The following CA10 variants were observed in gnomAD, a reference collection of about 807,000 sequenced individuals.
CA10 encodes carbonic anhydrase-related protein 10.
A neutral mutation model predicts 44.2 loss-of-function variants in CA10; 14 were observed. That is an observed-to-expected ratio of 0.32 (90% CI 0.21 to 0.50). The LOEUF (loss-of-function observed/expected upper bound fraction) is 0.50, where lower values mean the gene tolerates loss of function less well. Among genes scored for constraint, CA10 ranks in the 20% least tolerant of loss-of-function variants. CA10 has a pLI of 0.99. For synonymous variants in CA10, 159 were observed against 141.6 expected (o/e 1.12, Z -0.87); for missense variants, 350 against 409.7 (o/e 0.85, Z 1.26).
chr17:51,881,539 T>C (rs1980376102), intron 3 of CA10, among the ~76,000 whole-genome samples: 1 of 151,986 alleles, frequency 6.6e-6, no homozygotes, highest in African/African-American at 2.4e-5. Context: ...ATAAGAATGG[T>C]TAATATTCAT....
At chr17:51,960,497 A>G (rs561382600) in intron 2 of CA10, among the ~76,000 whole-genome samples, 3 of 152,324 alleles carry the variant, frequency 2.0e-5, no homozygotes, top group Non-Finnish European at 4.4e-5. Flanking sequence ...TATTGAAAAC[A>G]ACAAGTAAAA....
At chr17:51,867,043 A>G (rs1189205878) in intron 3 of CA10, among the ~76,000 whole-genome samples, 1 of 152,114 alleles carries the variant, frequency 6.6e-6, no homozygotes, top group Non-Finnish European at 1.5e-5. Flanking sequence ...TTGATTGGCA[A>G]TGAGATTGAC....
chr17:52,153,659 G>A (rs1030659563), intron 1 of CA10, among the ~76,000 whole-genome samples: 1 of 152,130 alleles, frequency 6.6e-6, no homozygotes, highest in Non-Finnish European at 1.5e-5. Context: ...AATAGGGTTT[G>A]TGCTCAATGT....
chr17:51,952,637 A>G (rs1983528778), intron 2 of CA10, among the ~76,000 whole-genome samples: 1 of 152,294 alleles, frequency 6.6e-6, no homozygotes, highest in African/African-American at 2.4e-5. Flanking sequence ...AAAATAAAAA[A>G]TGTTAGGTCT....
intron 1 of CA10, among the ~76,000 whole-genome samples, chr17:52,109,697 A>G (rs1487870727): frequency 6.6e-6 from 1 of 152,204 alleles, no homozygotes; most frequent in Non-Finnish European, 1.5e-5. Flanking sequence ...TTTAAAATCT[A>G]TCAGGTCTAG....
intron 3 of CA10, among the ~76,000 whole-genome samples, chr17:51,891,470 T>TATA (rs1166947523): frequency 6.6e-6 from 1 of 152,164 alleles, no homozygotes; most frequent in Non-Finnish European, 1.5e-5. Context: ...TTTGGATGAA[T>TATA]AATAGAGTTT....
At chr17:51,879,223 T>C (rs2143881686) in intron 3 of CA10, among the ~76,000 whole-genome samples, 1 of 152,192 alleles carries the variant, frequency 6.6e-6, no homozygotes, top group South Asian at 2.1e-4. Flanking sequence ...CTAATTATTG[T>C]CCACTGAACA....
chr17:51,791,740 T>C (rs1033247604), intron 3 of CA10, among the ~76,000 whole-genome samples: 2 of 152,212 alleles, frequency 1.3e-5, no homozygotes, highest in Admixed American at 6.5e-5. Flanking sequence ...TCAGCTGTTT[T>C]GAGTTAACTA....
At chr17:51,776,738 A>T (rs1438848797) in intron 3 of CA10, among the ~76,000 whole-genome samples, 1 of 152,232 alleles carries the variant, frequency 6.6e-6, no homozygotes, top group African/African-American at 2.4e-5. Flanking sequence ...AGTCCACATT[A>T]AGTAAAGTTA....
intron 3 of CA10, among the ~76,000 whole-genome samples, chr17:51,778,086 G>T (rs1357310596): frequency 6.6e-6 from 1 of 152,186 alleles, no homozygotes; most frequent in Non-Finnish European, 1.5e-5. Context: ...CCGAGTCCAA[G>T]TACCTTTTGT....
intron 2 of CA10, among the ~76,000 whole-genome samples, chr17:52,061,588 T>C (rs1987387020): frequency 6.6e-6 from 1 of 152,168 alleles, no homozygotes; most frequent in Admixed American, 6.5e-5. Flanking sequence ...GATTGGATCA[T>C]GGGGGCAGTT....
chr17:51,743,951 T>C (rs1904565196), intron 4 of CA10, among the ~76,000 whole-genome samples: 1 of 152,234 alleles, frequency 6.6e-6, no homozygotes, highest in South Asian at 2.1e-4. Flanking sequence ...TTTTAAAAAG[T>C]TAACCTTCAG....
intron 2 of CA10, among the ~76,000 whole-genome samples, chr17:51,994,829 T>C (rs542740714): frequency 7.7e-6 from 1 of 129,962 alleles, no homozygotes; most frequent in East Asian, 4.4e-4. Context: ...TTTTATGATA[T>C]TAGACCCTAA....
intron 3 of CA10, among the ~76,000 whole-genome samples, chr17:51,921,181 T>G (rs1157121583): frequency 6.6e-6 from 1 of 152,148 alleles, no homozygotes; most frequent in Admixed American, 6.5e-5. Context: ...TCATACAGAA[T>G]CAAAGTACAT....
chr17:52,147,491 TAAA>T (rs369637225), intron 1 of CA10, among the ~76,000 whole-genome samples: 1 of 131,854 alleles, frequency 7.6e-6, no homozygotes, highest in African/African-American at 2.8e-5. Context: ...AAAGCAGATT[TAAA>T]AAAAAAAAAA....
At chr17:51,939,364 A>C (rs1025176753) in intron 2 of CA10, among the ~76,000 whole-genome samples, 5 of 152,098 alleles carry the variant, frequency 3.3e-5, no homozygotes, top group African/African-American at 1.2e-4. Context: ...ATGCTGCAAT[A>C]AATAGCCTCA....
intron 2 of CA10, among the ~76,000 whole-genome samples, chr17:51,990,585 G>T (rs1355784041): frequency 1.3e-5 from 2 of 152,048 alleles, no homozygotes; most frequent in Non-Finnish European, 2.9e-5. Flanking sequence ...TGATATCTAG[G>T]TGGTAAATTT....
In CA10 at chr17:51,631,008, A is replaced by G. The variant is rs1343861549; in HGVS notation, c.*576T>C. The G allele has an allele frequency of 6.5e-6, 1 of 153,442 alleles. No individual in the cohort carries two copies. Among genetic ancestry groups the G allele is most frequent in the Non-Finnish European group, 1.5e-5 (1 of 68,684 alleles). The allele number at this position is 153,442 out of a possible 1,614,324, so 9.5% of individuals were successfully genotyped here. On this transcript the variant is annotated 3_prime_UTR_variant, in exon 9 of 9. Coordinates refer to ENST00000451037, the MANE Select transcript of CA10 (RefSeq NM_020178.5). ...TGTAAATTGTTGAGTAAACAGAAGA[A>G]TCATAATCTAGAAATAAGTGTCCTT...
At chr17:52,112,001 C>T (rs1988796979) in intron 1 of CA10, among the ~76,000 whole-genome samples, 1 of 151,940 alleles carries the variant, frequency 6.6e-6, no homozygotes, top group South Asian at 2.1e-4. Context: ...CAATAGATAA[C>T]ATATAAAAGG....
Sources: allele counts gnomAD v4.1 joint callset (sites outside exome capture counted in the v4.1 genomes callset), GRCh38; gene constraint gnomAD v4.1.1; transcripts MANE v1.5; gene names NCBI Gene and HGNC (gene_info 2026-07-23, HGNC 2026-07-21).